The following GPR19 variants were observed in gnomAD, a reference collection of about 807,000 sequenced individuals.
GPR19 encodes probable G protein-coupled receptor 19.
A neutral mutation model predicts 28.5 loss-of-function variants in GPR19; 14 were observed. The observed-to-expected ratio is 0.49, with a 90% CI of 0.32 to 0.77. The LOEUF is 0.77. Among genes scored for constraint, GPR19 ranks in the 30% least tolerant of loss-of-function variants. The probability of loss-of-function intolerance (pLI) is 0.03; values close to 1 mark genes in which losing one functional copy is unlikely to be tolerated. For synonymous variants in GPR19, 173 were observed against 184.1 expected, an observed-to-expected ratio of 0.94 and a Z score of 0.49; for missense variants, 409 against 504.1, an observed-to-expected ratio of 0.81 and a Z score of 1.81.
At chr12:12,680,517 T>C (rs868564931) in intron 3 of GPR19, among the ~76,000 whole-genome samples, 2 of 152,294 alleles carry the variant, frequency 1.3e-5, no homozygotes, top group African/African-American at 4.8e-5. Flanking sequence ...TTTTATTTTT[T>C]GTTTTTTGAG....
At chr12:12,695,840 T>C (rs1470014600) in intron 1 of GPR19, among the ~76,000 whole-genome samples, 1 of 152,184 alleles carries the variant, frequency 6.6e-6, no homozygotes, top group African/African-American at 2.4e-5. Context: ...CTCTCAAATC[T>C]TCCCATCTTC....
At chr12:12,698,966 A>G (rs1376367708), upstream of GPR19, among the ~76,000 whole-genome samples, 2 of 152,108 alleles carry the variant, frequency 1.3e-5, no homozygotes, top group Non-Finnish European at 2.9e-5. Context: ...ACAGTTTGGG[A>G]GATAGGGAAT....
At chr12:12,714,581 AC>A in the GPR19 span, among the ~76,000 whole-genome samples, 1 of 152,194 alleles carries the variant, frequency 6.6e-6, no homozygotes, top group African/African-American at 2.4e-5. Flanking sequence ...CCAAAACATC[AC>A]GCAGGACTGG....
intron 3 of GPR19, among the ~76,000 whole-genome samples, chr12:12,683,213 G>C (rs1309387306): frequency 6.6e-6 from 1 of 152,166 alleles, no homozygotes; most frequent in Non-Finnish European, 1.5e-5. Context: ...CAGCACAAGG[G>C]AAACAGAACG....
At chr12:12,673,624 G>A (rs906108710) in intron 3 of GPR19, among the ~76,000 whole-genome samples, 18 of 152,178 alleles carry the variant, frequency 1.2e-4, no homozygotes, top group Admixed American at 7.9e-4. Flanking sequence ...CCAACGACAG[G>A]AAGTCCGCCA....
intron 3 of GPR19, among the ~76,000 whole-genome samples, chr12:12,682,125 G>A (rs1444848959): frequency 1.3e-5 from 2 of 152,204 alleles, no homozygotes; most frequent in African/African-American, 4.8e-5. Flanking sequence ...CTGGGAGATG[G>A]AACCACCCAA....
chr12:12,682,196 A>T (rs1216867882), intron 3 of GPR19, among the ~76,000 whole-genome samples: 1 of 152,244 alleles, frequency 6.6e-6, no homozygotes, highest in African/African-American at 2.4e-5. Flanking sequence ...TGAAAATATC[A>T]GGAGAACTTC....
chr12:12,671,951 C>T (rs1279689320), intron 3 of GPR19, among the ~76,000 whole-genome samples: 1 of 152,066 alleles, frequency 6.6e-6, no homozygotes, highest in African/African-American at 2.4e-5. Context: ...AAAATGAAAA[C>T]AGAAGAGATG....
chr12:12,662,615 A>G (rs1427554399), intron 3 of GPR19, 145 bp from the exon 4 acceptor site: 1 of 713,626 alleles, frequency 1.4e-6, no homozygotes, highest in Non-Finnish European at 2.3e-6. Flanking sequence ...GCAGGAAAAC[A>G]TAACTACTAT....
the GPR19 span, among the ~76,000 whole-genome samples, chr12:12,705,115 C>CTTTT: frequency 0.086 from 11,799 of 136,526 alleles, 927 homozygotes; most frequent in East Asian, 0.31. Context: ...AGAAATGCAT[C>CTTTT]TTTTTTTTTT....
At chr12:12,696,296 G>A (rs1009188196), upstream of GPR19, 1 of 149,882 alleles carries the variant, frequency 6.7e-6, no homozygotes. Context: ...GGTGATGGCC[G>A]GCTAGTATGA....
chr12:12,690,172 G>C (rs1446201842), intron 2 of GPR19, among the ~76,000 whole-genome samples: 1 of 152,140 alleles, frequency 6.6e-6, no homozygotes, highest in African/African-American at 2.4e-5. Context: ...AGGGAATTTT[G>C]TTATGCGGTA....
At chr12:12,677,422 C>CT (rs1415808825) in intron 3 of GPR19, among the ~76,000 whole-genome samples, 1 of 151,872 alleles carries the variant, frequency 6.6e-6, no homozygotes, top group Admixed American at 6.6e-5. Flanking sequence ...AGTCTTTCCA[C>CT]TTATATTTGT....
chr12:12,664,919 C>CAAA lies in GPR19; in HGVS notation c.-22-2452_-22-2450dup, dbSNP rs746346681. On this transcript the variant is annotated intron_variant, in intron 3 of 3. Coordinates refer to ENST00000651487, the MANE Select transcript of GPR19 (RefSeq NM_006143.3). ...TGGGCGACGGGGTGAGACGCCATCTCAAAAAAAAAAAAAAAAAAAAAAAAA... is the reference window on the plus strand; with the variant it reads ...TGGGCGACGGGGTGAGACGCCATCTCAAAAAAAAAAAAAAAAAAAAAAAAAAAA... Among the ~76,000 whole-genome samples the CAAA allele has an allele frequency of 1.3e-3, 39 of 31,104 alleles. 2 individuals are homozygous for CAAA. The highest frequency in any genetic ancestry group is 3.5e-3 in the African/African-American group (38 of 10,728). 20.4% of individuals were successfully genotyped at this position (31,104 alleles called of 152,430 possible). A position where few individuals can be genotyped will look rare whatever the true frequency, so the allele number is the denominator to read the frequency against.
At chr12:12,683,203 C>A (rs1946047924) in intron 3 of GPR19, among the ~76,000 whole-genome samples, 1 of 152,098 alleles carries the variant, frequency 6.6e-6, no homozygotes, top group African/African-American at 2.4e-5. Context: ...GAGATCTATA[C>A]AGCACAAGGG....
intron 2 of GPR19, chr12:12,685,219 C>G (rs1369999914): frequency 6.6e-6 from 1 of 151,946 alleles, no homozygotes; most frequent in African/African-American, 2.4e-5. Context: ...CCATACCTAC[C>G]TCCCTGTCCC....
At chr12:12,675,929 C>T (rs1357675587) in intron 3 of GPR19, among the ~76,000 whole-genome samples, 1 of 152,160 alleles carries the variant, frequency 6.6e-6, no homozygotes, top group Non-Finnish European at 1.5e-5. Context: ...TTCTGATGTA[C>T]AGAACTGTGA....
chr12:12,705,792 C>A, the GPR19 span, among the ~76,000 whole-genome samples: 7 of 152,174 alleles, frequency 4.6e-5, no homozygotes, highest in Non-Finnish European at 8.8e-5. Context: ...TCAAGTGATT[C>A]TTCAGCCTCC....
At chr12:12,705,380 T>C in the GPR19 span, among the ~76,000 whole-genome samples, 3 of 152,114 alleles carry the variant, frequency 2.0e-5, 1 homozygote, top group South Asian at 6.2e-4. Flanking sequence ...GTTAATAAGA[T>C]AGTCTATTAT....
Sources: gnomAD v4.1 joint callset for allele counts (sites outside exome capture counted in the v4.1 genomes callset) on GRCh38, gnomAD v4.1.1 for gene constraint, MANE v1.5 for transcripts, NCBI Gene and HGNC (gene_info 2026-07-23, HGNC 2026-07-21) for gene names.